TTLL7: variants seen among roughly 807,000 people sequenced by gnomAD.
TTLL7 encodes the protein tubulin polyglutamylase TTLL7.
In TTLL7, 53 loss-of-function variants were observed where a neutral mutation model predicts 120.2. The observed-to-expected ratio is 0.44, with a 90% CI of 0.35 to 0.55. The LOEUF is 0.55. Ranked by LOEUF, TTLL7 falls within the 20% of genes least tolerant of loss-of-function variation. TTLL7 has a pLI of 0.00. For synonymous variants in TTLL7, 353 were observed against 351.7 expected (o/e 1.00, Z -0.04); for missense variants, 803 against 1,054.7 (o/e 0.76, Z 3.31).
chr1:83,917,783 G>T, intron 13 of TTLL7, 93 bp from the exon 14 acceptor site: 1 of 782,112 alleles, frequency 1.3e-6, no homozygotes, highest in Non-Finnish European at 2.1e-6. Flanking sequence ...GCAGAGCAAG[G>T]ATTCCTGAAA....
rs1161156562 is a variant in TTLL7 at position 83,889,996 on chromosome 1, C to G, written c.2369+325G>C. On this transcript the variant is annotated intron_variant, in intron 19 of 20. Transcript: ENST00000260505. ...ATGAGTCACAGCAGCTTTAGCAGCA[C>G]TAGGATTCTGGGGAGGAGGAGAAGT... 1.0e-5 allele frequency: 5 copies of G among 479,294 alleles called. No individual in the cohort carries two copies. In the Admixed American group the frequency reaches 1.2e-4, roughly 11 times the overall value. 29.7% of individuals were successfully genotyped at this position (479,294 alleles called of 1,614,324 possible). A position where few individuals can be genotyped will look rare whatever the true frequency, so the allele number is the denominator to read the frequency against.
rs755037773 is a variant in TTLL7, at chr1:83,906,288, G to C, written c.2127+41C>G. On this transcript the variant is annotated intron_variant, in intron 17 of 20. Coordinates refer to ENST00000260505, the MANE Select transcript of TTLL7 (RefSeq NM_024686.6). ...TTTAATATTTTAAGAAGAATAAAAAGGTACCAGCTCCTTGGCATTTTAGAT... is the reference window on the plus strand; with the variant it reads ...TTTAATATTTTAAGAAGAATAAAAACGTACCAGCTCCTTGGCATTTTAGAT... 27 of 1,503,256 alleles carry C rather than the reference G, an allele frequency of 1.8e-5. No homozygotes were observed. In the South Asian group the frequency reaches 3.0e-4, roughly 17 times the overall value. 93.1% of individuals were successfully genotyped at this position (1,503,256 alleles called of 1,614,324 possible).
At chr1:83,958,760 T>G (rs999077287) in intron 1 of TTLL7, among the ~76,000 whole-genome samples, 10 of 152,210 alleles carry the variant, frequency 6.6e-5, no homozygotes, top group African/African-American at 2.4e-4. Context: ...TTTTGAATAT[T>G]ATTCAGATTG....
chr1:83,976,033 CTGTGTGTG>C (rs34596192), intron 1 of TTLL7, among the ~76,000 whole-genome samples: 71,516 of 147,822 alleles, frequency 0.48, 17,489 homozygotes, highest in East Asian at 0.7. Context: ...TTGTCTCTCT[CTGTGTGTG>C]TGTGTGTGTG....
intron 3 of TTLL7, 97 bp downstream of exon 3, chr1:83,951,748 G>A: frequency 7.4e-7 from 1 of 1,349,316 alleles, no homozygotes; most frequent in Non-Finnish European, 1.0e-6. Flanking sequence ...TTATATAAAA[G>A]ATAAGTTATC....
At chr1:83,923,393 G>A (rs1571200617) in intron 10 of TTLL7, among the ~76,000 whole-genome samples, 1 of 151,314 alleles carries the variant, frequency 6.6e-6, no homozygotes, top group East Asian at 1.9e-4. Context: ...CAAAAAAAGG[G>A]AATGAAAAAC....
At chr1:83,990,467 G>A (rs182965777) in intron 1 of TTLL7, among the ~76,000 whole-genome samples, 5 of 152,262 alleles carry the variant, frequency 3.3e-5, no homozygotes, top group South Asian at 2.1e-4. Flanking sequence ...GAGCCACCGC[G>A]CCCGGCCTGG....
chr1:83,915,732 CA>C (rs1379809382), intron 14 of TTLL7, among the ~76,000 whole-genome samples: 2 of 147,356 alleles, frequency 1.4e-5, no homozygotes, highest in Non-Finnish European at 3.0e-5. Flanking sequence ...AAAATTTTTG[CA>C]ATCTACTCAT....
chr1:83,960,524 T>C (rs1649920274), intron 1 of TTLL7, among the ~76,000 whole-genome samples: 1 of 152,116 alleles, frequency 6.6e-6, no homozygotes, highest in South Asian at 2.1e-4. Flanking sequence ...GGGTAGAAGA[T>C]GGCACAATTC....
intron 18 of TTLL7, among the ~76,000 whole-genome samples, chr1:83,892,727 A>AGC (rs1557568091): frequency 1.1e-3 from 27 of 23,840 alleles, no homozygotes; most frequent in Non-Finnish European, 1.6e-3. Flanking sequence ...TATATATGTG[A>AGC]ACACATATAT....
intron 20 of TTLL7, among the ~76,000 whole-genome samples, chr1:83,882,167 A>G (rs1233660217): frequency 3.3e-5 from 5 of 151,676 alleles, no homozygotes; most frequent in Admixed American, 3.3e-4. Context: ...GCAACACACC[A>G]GCATGGCACA....
At chr1:83,876,925 G>A (rs1043136654) in intron 20 of TTLL7, among the ~76,000 whole-genome samples, 11 of 151,934 alleles carry the variant, frequency 7.2e-5, no homozygotes, top group African/African-American at 1.7e-4. Flanking sequence ...AGCTAAGACC[G>A]CTAATACAAT....
chr1:83,908,072 G>C (rs1557609510), intron 15 of TTLL7, among the ~76,000 whole-genome samples: 1 of 152,084 alleles, frequency 6.6e-6, no homozygotes, highest in Non-Finnish European at 1.5e-5. Context: ...CAGAGGCTTA[G>C]AGAAAGAACT....
intron 16 of TTLL7, among the ~76,000 whole-genome samples, chr1:83,907,045 C>T (rs892117424): frequency 5.3e-5 from 8 of 151,974 alleles, no homozygotes; most frequent in African/African-American, 1.4e-4. Context: ...TAACATTGTA[C>T]TTAAGTGCTC....
intron 7 of TTLL7, among the ~76,000 whole-genome samples, chr1:83,938,521 A>G (rs1202760421): frequency 6.6e-6 from 1 of 152,152 alleles, no homozygotes; most frequent in East Asian, 1.9e-4. Flanking sequence ...ACCTCTGCAC[A>G]CCCATACTGA....
chr1:83,956,656 C>T (rs1344213048), intron 1 of TTLL7, among the ~76,000 whole-genome samples: 1 of 152,120 alleles, frequency 6.6e-6, no homozygotes, highest in African/African-American at 2.4e-5. Context: ...TCTCGAACTC[C>T]CGACCTCAGG....
At chr1:83,876,799 C>G (rs1181888911) in intron 20 of TTLL7, among the ~76,000 whole-genome samples, 1 of 151,914 alleles carries the variant, frequency 6.6e-6, no homozygotes, top group Non-Finnish European at 1.5e-5. Flanking sequence ...GTTAAATTCA[C>G]TTTATAATTT....
chr1:83,870,539 A>G (rs1653275305), intron 20 of TTLL7, among the ~76,000 whole-genome samples: 1 of 152,248 alleles, frequency 6.6e-6, no homozygotes, highest in Admixed American at 6.5e-5. Context: ...CCTAATAGAA[A>G]AAGTTAAAGA....
At chr1:83,970,815 C>T (rs1412710972) in intron 1 of TTLL7, among the ~76,000 whole-genome samples, 2 of 151,822 alleles carry the variant, frequency 1.3e-5, no homozygotes, top group Non-Finnish European at 2.9e-5. Context: ...GAAAAGCAGC[C>T]AATAAAGGGT....
Sources: allele counts gnomAD v4.1 joint callset (sites outside exome capture counted in the v4.1 genomes callset), GRCh38; gene constraint gnomAD v4.1.1; transcripts MANE v1.5; gene names NCBI Gene and HGNC (gene_info 2026-07-23, HGNC 2026-07-21).